The following PDE4D variants were observed in gnomAD, a reference collection of about 807,000 sequenced individuals.
PDE4D encodes the protein 3',5'-cyclic-AMP phosphodiesterase 4D.
Under a neutral mutation model 87.4 loss-of-function variants are expected in PDE4D, and 24 were observed. The ratio of observed to expected loss-of-function variants is 0.27; its 90% CI spans 0.20 to 0.39. The LOEUF (loss-of-function observed/expected upper bound fraction) is 0.39. Ranked by LOEUF, PDE4D falls within the 10% of genes least tolerant of loss-of-function variation. The pLI is 1.00. For synonymous variants in PDE4D, 384 were observed against 383.2 expected, an observed-to-expected ratio of 1.00 and a Z score of -0.02; for missense variants, 714 against 1,041.0, an observed-to-expected ratio of 0.69 and a Z score of 4.32.
At chr5:59,295,847 A>G (rs984783472) in intron 1 of PDE4D, among the ~76,000 whole-genome samples, 2 of 151,776 alleles carry the variant, frequency 1.3e-5, no homozygotes, top group Non-Finnish European at 2.9e-5. Context: ...AGAAAAAAAA[A>G]ACAAAAAAAA....
intron 1 of PDE4D, among the ~76,000 whole-genome samples, chr5:60,431,481 C>G (rs560563993): frequency 6.6e-6 from 1 of 150,494 alleles, no homozygotes; most frequent in East Asian, 2.0e-4. Context: ...GATGGGCGGC[C>G]GGGCAGAGAC....
chr5:60,486,053 T>A (rs535273646), intron 1 of PDE4D, among the ~76,000 whole-genome samples: 41 of 152,074 alleles, frequency 2.7e-4, no homozygotes, highest in African/African-American at 8.9e-4. Context: ...CATAAAAAGG[T>A]GGAAGGAGAT....
In PDE4D at chr5:59,424,044, C is replaced by T. The variant is rs138260997; in HGVS notation, c.456-208076G>A. ...GGTGAGGTGAAGGAGGAAGAGTGTA[C>T]CTGCAACTGGATAGTGGTAGAGTGG... On this transcript the variant is annotated intron_variant, in intron 1 of 14. Transcript: ENST00000340635. Among the ~76,000 whole-genome samples, 1,187 of 152,004 alleles carry T rather than the reference C, an allele frequency of 7.8e-3. 9 individuals are homozygous for T. Among genetic ancestry groups the T allele is most frequent in the South Asian group, 0.019 (93 of 4,804 alleles).
At chr5:60,038,081 T>A (rs1486469527) in intron 2 of PDE4D, among the ~76,000 whole-genome samples, 2 of 152,164 alleles carry the variant, frequency 1.3e-5, no homozygotes, top group Non-Finnish European at 2.9e-5. Flanking sequence ...GGTTGCCTGT[T>A]CACTCTGATG....
At chr5:59,752,979 A>C (rs1239074792) in intron 1 of PDE4D, among the ~76,000 whole-genome samples, 1 of 152,176 alleles carries the variant, frequency 6.6e-6, no homozygotes, top group African/African-American at 2.4e-5. Flanking sequence ...TTGCAAATAC[A>C]GTTTTATTGG....
At chr5:59,680,745 C>T (rs961732772) in intron 1 of PDE4D, among the ~76,000 whole-genome samples, 1 of 151,940 alleles carries the variant, frequency 6.6e-6, no homozygotes, top group Non-Finnish European at 1.5e-5. Context: ...TTTTTGAAAC[C>T]ACATTCCACA....
In PDE4D at chr5:60,159,311, A is replaced by C. The variant is rs1314555637; in HGVS notation, c.42+26246T>G. On this transcript the variant is annotated intron_variant, in intron 2 of 16. Transcript: ENST00000502484. The stretch of plus-strand genomic sequence containing the variant: ...CATTCCTGAAGTTGTTTTATGGTTA[A>C]CTTTTTTTTTTGTAAGTAGGAGTAC... 2.0e-5 allele frequency among the ~76,000 whole-genome samples: 3 copies of C among 152,176 alleles called. 1 individual carries two copies. The highest frequency in any genetic ancestry group is 4.2e-4 in the South Asian group (2 of 4,812).
At chr5:59,375,043 A>G (rs1232660134) in intron 1 of PDE4D, among the ~76,000 whole-genome samples, 1 of 152,214 alleles carries the variant, frequency 6.6e-6, no homozygotes, top group Non-Finnish European at 1.5e-5. Context: ...CAGTGTTAGG[A>G]CAGACATTTA....
At chr5:59,326,024 A>G (rs1775574233) in intron 1 of PDE4D, among the ~76,000 whole-genome samples, 1 of 152,122 alleles carries the variant, frequency 6.6e-6, no homozygotes, top group Non-Finnish European at 1.5e-5. Context: ...AGGACAGAAA[A>G]CCAAACACCG....
intron 2 of PDE4D, among the ~76,000 whole-genome samples, chr5:60,149,106 T>G (rs1475421229): frequency 1.3e-5 from 2 of 152,346 alleles, no homozygotes; most frequent in Non-Finnish European, 2.9e-5. Flanking sequence ...GTAAGACCTC[T>G]TCCCATTCTT....
chr5:59,713,741 G>A (rs942673243), intron 1 of PDE4D, among the ~76,000 whole-genome samples: 3 of 152,158 alleles, frequency 2.0e-5, no homozygotes, highest in Non-Finnish European at 4.4e-5. Context: ...GGTACCCCAC[G>A]AGCACGGAGA....
intron 1 of PDE4D, among the ~76,000 whole-genome samples, chr5:59,432,887 GA>G (rs1796309769): frequency 6.6e-6 from 1 of 152,050 alleles, no homozygotes; most frequent in Non-Finnish European, 1.5e-5. Context: ...ATTATGAAGA[GA>G]ATAAATATAG....
chr5:60,120,128 T>A lies in PDE4D; in HGVS notation c.42+65429A>T, dbSNP rs1044834581. Among the ~76,000 whole-genome samples the A allele has an allele frequency of 2.6e-5, 4 of 152,244 alleles. No homozygotes were observed. The South Asian group carries it at 6.2e-4, about 24-fold the overall frequency. On this transcript the variant is annotated intron_variant, in intron 2 of 16. Transcript: ENST00000502484. ...TGTTATGCATTCCAGAGGTTACATG[T>A]AGAGCCATGAAAATTATTTATACTA...
chr5:59,324,500 A>C (rs1240658382), intron 1 of PDE4D, among the ~76,000 whole-genome samples: 1 of 152,126 alleles, frequency 6.6e-6, no homozygotes, highest in East Asian at 1.9e-4. Flanking sequence ...TAAGACATTG[A>C]AGGGAAGTGG....
At chr5:59,999,612 G>A (rs1203554734) in intron 2 of PDE4D, among the ~76,000 whole-genome samples, 2 of 148,534 alleles carry the variant, frequency 1.3e-5, no homozygotes, top group African/African-American at 2.5e-5. Flanking sequence ...CCTGTATGAA[G>A]CCAATTTATA....
chr5:59,424,407 T>C (rs1391444958), intron 1 of PDE4D, among the ~76,000 whole-genome samples: 3 of 152,184 alleles, frequency 2.0e-5, no homozygotes, highest in East Asian at 3.9e-4. Flanking sequence ...GCTGTATTCG[T>C]CTGTTCTCAT....
intron 6 of PDE4D, among the ~76,000 whole-genome samples, chr5:58,996,903 C>T (rs1221531531): frequency 6.6e-6 from 1 of 152,106 alleles, no homozygotes; most frequent in Non-Finnish European, 1.5e-5. Context: ...GTTCATCTTT[C>T]TGGTCATATA....
intron 1 of PDE4D, among the ~76,000 whole-genome samples, chr5:59,308,728 G>T (rs978294512): frequency 6.6e-6 from 1 of 151,992 alleles, no homozygotes; most frequent in African/African-American, 2.4e-5. Flanking sequence ...CTATTTTTGT[G>T]CTGGCTGGTC....
At chr5:60,512,769 C>T (rs1188115707) in intron 1 of PDE4D, among the ~76,000 whole-genome samples, 2 of 152,268 alleles carry the variant, frequency 1.3e-5, no homozygotes, top group South Asian at 4.1e-4. Context: ...CAAGGAAGCA[C>T]TGCAGGTACT....
Sources: gnomAD v4.1 joint callset for allele counts (sites outside exome capture counted in the v4.1 genomes callset) on GRCh38, gnomAD v4.1.1 for gene constraint, MANE v1.5 for transcripts, NCBI Gene and HGNC (gene_info 2026-07-23, HGNC 2026-07-21) for gene names.